CYTH3: variants seen among roughly 807,000 people sequenced by gnomAD.
CYTH3 encodes the protein cytohesin 3.
In CYTH3, 23 loss-of-function variants were observed where a neutral mutation model predicts 55.1. The observed-to-expected ratio is 0.42, with a 90% CI of 0.30 to 0.59. The LOEUF (loss-of-function observed/expected upper bound fraction) is 0.59. CYTH3 is among the 20% of genes least tolerant of loss of function. CYTH3 has a pLI of 0.20. For missense variants in CYTH3, 413 were observed against 524.8 expected (o/e 0.79, Z 2.08); for synonymous variants, 249 against 194.9 (o/e 1.28, Z -2.31).
intron 1 of CYTH3, among the ~76,000 whole-genome samples, chr7:6,243,539 T>C (rs577336324): frequency 2.0e-5 from 3 of 152,286 alleles, no homozygotes; most frequent in African/African-American, 7.2e-5. Context: ...GGTGGCATCT[T>C]AAGGGGATGG....
At chr7:6,181,345 T>C (rs532280669) in intron 4 of CYTH3, among the ~76,000 whole-genome samples, 33 of 152,346 alleles carry the variant, frequency 2.2e-4, no homozygotes, top group Non-Finnish European at 5.9e-5. Flanking sequence ...AGAGAAGCCC[T>C]TGTGTGTCTG....
intron 1 of CYTH3, among the ~76,000 whole-genome samples, chr7:6,251,722 G>A (rs561662526): frequency 1.1e-4 from 16 of 152,192 alleles, no homozygotes; most frequent in Non-Finnish European, 2.2e-4. Flanking sequence ...CCACGGAAAC[G>A]TAAAAAAGAG....
At chr7:6,237,785 T>C (rs763203326) in intron 1 of CYTH3, among the ~76,000 whole-genome samples, 1 of 152,174 alleles carries the variant, frequency 6.6e-6, no homozygotes, top group Non-Finnish European at 1.5e-5. Flanking sequence ...AGGTTCCACG[T>C]ATATGTCCAA....
At chr7:6,230,710 A>C (rs1001208610) in intron 1 of CYTH3, among the ~76,000 whole-genome samples, 1 of 152,244 alleles carries the variant, frequency 6.6e-6, no homozygotes, top group African/African-American at 2.4e-5. Context: ...ATGTAATGAC[A>C]AGGTAAACCT....
At position 6,173,970 on chromosome 7, in the gene CYTH3, G is replaced by C. The variant is rs762188091; in HGVS notation, c.369-237C>G. ...CCTCCCTGGGCCTCCCAAAGTGCTGGGATTACAGGCATGAGCCCCCACACC... is the reference window on the plus strand; with the variant it reads ...CCTCCCTGGGCCTCCCAAAGTGCTGCGATTACAGGCATGAGCCCCCACACC... On this transcript the variant is annotated intron_variant, in intron 5 of 12. Coordinates refer to ENST00000350796, the MANE Select transcript of CYTH3 (RefSeq NM_004227.4). 3.4e-4 allele frequency among the ~76,000 whole-genome samples: 52 copies of C among 152,054 alleles called. 1 individual carries two copies. The highest frequency in any genetic ancestry group is 1.0e-4 in the Non-Finnish European group (7 of 68,002).
intron 1 of CYTH3, among the ~76,000 whole-genome samples, chr7:6,191,432 T>G (rs1783800967): frequency 6.6e-6 from 1 of 152,132 alleles, no homozygotes; most frequent in Non-Finnish European, 1.5e-5. Flanking sequence ...AAACAGTTAT[T>G]TATATGGAAA....
At position 6,243,305 on chromosome 7, in the gene CYTH3, C is replaced by T. The variant is rs560511628; in HGVS notation, c.34+29169G>A. 2.2e-4 allele frequency among the ~76,000 whole-genome samples: 34 copies of T among 152,304 alleles called. No homozygotes were observed. The Middle Eastern group carries it at 0.024, about 107-fold the overall frequency. On this transcript the variant is annotated intron_variant, in intron 1 of 12. Transcript: ENST00000350796. ...AGGAGCAGGTCTGTGAAAAGGCAGC[C>T]GACACCTGTGACTGGCCAGGTCTGG...
chr7:6,259,813 A>ATT (rs1321305490), intron 1 of CYTH3, among the ~76,000 whole-genome samples: 3 of 25,452 alleles, frequency 1.2e-4, no homozygotes, highest in Non-Finnish European at 1.6e-4. Context: ...ATATATATAT[A>ATT]ATATATATAT....
At position 6,162,808 on chromosome 7, in the gene CYTH3, C is replaced by G. The variant is rs1363847529; in HGVS notation, c.*2136G>C. The G allele has an allele frequency of 1.3e-5, 2 of 152,596 alleles. No homozygotes were observed. Among genetic ancestry groups the G allele is most frequent in the Non-Finnish European group, 2.9e-5 (2 of 68,086 alleles). 9.5% of individuals were successfully genotyped at this position (152,596 alleles called of 1,614,324 possible). A position where few individuals can be genotyped will look rare whatever the true frequency, so the allele number is the denominator to read the frequency against. On this transcript the variant is annotated 3_prime_UTR_variant, in exon 13 of 13. Transcript: ENST00000350796. ...CTCCCAACACCCAAAACAGAAAGCTCTGCATCCCCAGGTCACACCTGGGTT... is the reference window on the plus strand; with the variant it reads ...CTCCCAACACCCAAAACAGAAAGCTGTGCATCCCCAGGTCACACCTGGGTT...
At position 6,272,558 on chromosome 7, in the gene CYTH3, C is replaced by A. The variant is rs1583214665; in HGVS notation, c.-51G>T. The A allele has an allele frequency of 2.5e-6, 3 of 1,211,914 alleles. No homozygotes were observed. Among genetic ancestry groups the A allele is most frequent in the Non-Finnish European group, 3.1e-6 (3 of 963,146 alleles). The allele number at this position is 1,211,914 out of a possible 1,614,324, so 75.1% of individuals were successfully genotyped here. A position where few individuals can be genotyped will look rare whatever the true frequency, so the allele number is the denominator to read the frequency against. Reference sequence around the variant, plus strand: ...AGCCGGGGGCCGGCAGCAGAGGGGCCGCGGGCTGGGGACGCCGCCGGAGGG... The same window carrying A: ...AGCCGGGGGCCGGCAGCAGAGGGGCAGCGGGCTGGGGACGCCGCCGGAGGG... On this transcript the variant is annotated 5_prime_UTR_variant, in exon 1 of 13. Transcript: ENST00000350796.
intron 1 of CYTH3, among the ~76,000 whole-genome samples, chr7:6,272,100 G>A (rs1780676782): frequency 6.6e-6 from 1 of 152,184 alleles, no homozygotes; most frequent in Non-Finnish European, 1.5e-5. Flanking sequence ...CGAAACGCCG[G>A]GCTCCGGAGG....
At chr7:6,195,979 G>A (rs931619673) in intron 1 of CYTH3, among the ~76,000 whole-genome samples, 2 of 152,180 alleles carry the variant, frequency 1.3e-5, no homozygotes, top group Non-Finnish European at 2.9e-5. Flanking sequence ...GTAGCTCAAC[G>A]ATGTCATCGG....
At chr7:6,165,250 C>T (rs200832651) in intron 12 of CYTH3, 23 bp downstream of exon 12, 11 of 1,598,818 alleles carry the variant, frequency 6.9e-6, no homozygotes, top group Admixed American at 1.7e-5. Context: ...CGGGCCTGGC[C>T]CCGCCCCCGA....
In CYTH3 at chr7:6,164,763, C is replaced by G; in HGVS notation, c.*181G>C. 9.8e-6 allele frequency: 7 copies of G among 714,046 alleles called. No individual in the cohort carries two copies. The South Asian group carries it at 1.2e-4, about 12-fold the overall frequency. The allele number at this position is 714,046 out of a possible 1,614,324, so 44.2% of individuals were successfully genotyped here. ...GCAGCTTGCACTGCAGGGCGACCAC[C>G]TCCCAGGACCCCAGCCACGGCACGA... On this transcript the variant is annotated 3_prime_UTR_variant, in exon 13 of 13. Coordinates refer to ENST00000350796, the MANE Select transcript of CYTH3 (RefSeq NM_004227.4).
At chr7:6,243,125 T>C (rs1271954581) in intron 1 of CYTH3, among the ~76,000 whole-genome samples, 3 of 152,200 alleles carry the variant, frequency 2.0e-5, no homozygotes, top group African/African-American at 7.2e-5. Flanking sequence ...CCAAAACTTG[T>C]CAAGCCAGCA....
intron 1 of CYTH3, among the ~76,000 whole-genome samples, chr7:6,251,202 G>C (rs1779953145): frequency 6.6e-6 from 1 of 152,068 alleles, no homozygotes; most frequent in Non-Finnish European, 1.5e-5. Flanking sequence ...GTGAATCCAG[G>C]TGGCGGAGGT....
At chr7:6,205,617 G>A (rs1172041298) in intron 1 of CYTH3, among the ~76,000 whole-genome samples, 1 of 151,948 alleles carries the variant, frequency 6.6e-6, no homozygotes, top group African/African-American at 2.4e-5. Flanking sequence ...AAGATAATGT[G>A]AAAATATTAC....
intron 1 of CYTH3, among the ~76,000 whole-genome samples, chr7:6,255,610 C>A (rs919355298): frequency 6.6e-6 from 1 of 152,026 alleles, no homozygotes; most frequent in East Asian, 1.9e-4. Context: ...TCCAGCACCT[C>A]ATCAAGATAG....
intron 1 of CYTH3, chr7:6,212,686 A>C (rs566465556): frequency 6.6e-6 from 1 of 152,332 alleles, no homozygotes; most frequent in Admixed American, 6.5e-5. Context: ...GAGTAGAATA[A>C]GGAGTTAGAC....
Sources: allele counts gnomAD v4.1 joint callset (sites outside exome capture counted in the v4.1 genomes callset), GRCh38; gene constraint gnomAD v4.1.1; transcripts MANE v1.5; gene names NCBI Gene and HGNC (gene_info 2026-07-23, HGNC 2026-07-21).